ADGRV1: variants seen among roughly 807,000 people sequenced by gnomAD.
ADGRV1 encodes adhesion G protein-coupled receptor V1, also known as G-protein coupled receptor 98.
A neutral mutation model predicts 596.2 loss-of-function variants in ADGRV1; 359 were observed. The observed-to-expected ratio is 0.60, with a 90% CI of 0.55 to 0.66. The LOEUF is 0.66. Ranked by LOEUF, ADGRV1 falls within the 30% of genes least tolerant of loss-of-function variation. The pLI, the probability that ADGRV1 is intolerant of heterozygous loss-of-function variation, is 0.00. For missense variants in ADGRV1, 7,274 were observed against 7,575.6 expected (o/e 0.96, Z 1.48); for synonymous variants, 2,681 against 2,679.2 (o/e 1.00, Z -0.02).
chr5:91,088,946 C>A (rs1338495941), intron 86 of ADGRV1, among the ~76,000 whole-genome samples: 1 of 152,122 alleles, frequency 6.6e-6, no homozygotes, highest in African/African-American at 2.4e-5. Context: ...ATATACATAG[C>A]ATTCAATCCA....
intron 83 of ADGRV1, among the ~76,000 whole-genome samples, chr5:90,873,490 C>T (rs759067386): frequency 4.6e-5 from 7 of 152,158 alleles, no homozygotes; most frequent in Non-Finnish European, 8.8e-5. Context: ...CTCCAGAGTG[C>T]ACCTCTAAGC....
intron 87 of ADGRV1, among the ~76,000 whole-genome samples, chr5:91,114,153 AG>A (rs1792638241): frequency 3.3e-5 from 5 of 152,264 alleles, no homozygotes; most frequent in African/African-American, 1.2e-4. Context: ...TGGGAGGCAG[AG>A]GTTGCAGTGA....
chr5:90,789,992 TA>T (rs974652019), intron 69 of ADGRV1, 141 bp downstream of exon 69: 3 of 500,028 alleles, frequency 6.0e-6, no homozygotes, highest in African/African-American at 5.9e-5. Context: ...ACAGAGGCTT[TA>T]TTTAAACATC....
intron 1 of ADGRV1, among the ~76,000 whole-genome samples, chr5:90,582,869 T>C (rs1580345729): frequency 6.6e-6 from 1 of 152,342 alleles, no homozygotes; most frequent in East Asian, 1.9e-4. Flanking sequence ...CATGCCTGGC[T>C]TAGTTTAAAA....
At chr5:90,899,531 G>A (rs538610416) in intron 83 of ADGRV1, among the ~76,000 whole-genome samples, 5 of 152,238 alleles carry the variant, frequency 3.3e-5, no homozygotes, top group Admixed American at 6.5e-5. Flanking sequence ...CCAGAACCGC[G>A]TTCCAGATTG....
intron 83 of ADGRV1, among the ~76,000 whole-genome samples, chr5:90,938,276 T>C (rs1775881957): frequency 6.6e-6 from 1 of 152,228 alleles, no homozygotes. Flanking sequence ...AACCTTTTCT[T>C]TCCTTACATC....
At chr5:91,000,607 A>G (rs1245328725) in intron 85 of ADGRV1, among the ~76,000 whole-genome samples, 2 of 151,608 alleles carry the variant, frequency 1.3e-5, no homozygotes, top group African/African-American at 4.9e-5. Context: ...TTGATGCAAA[A>G]GTAATTGTGG....
chr5:91,123,513 G>T (rs940895202), intron 87 of ADGRV1, among the ~76,000 whole-genome samples: 1 of 152,022 alleles, frequency 6.6e-6, no homozygotes, highest in African/African-American at 2.4e-5. Flanking sequence ...CATTGATGAG[G>T]GTAGAGCCCT....
chr5:90,829,025 G>T lies in ADGRV1; in HGVS notation c.16450G>T (p.Ala5484Ser), dbSNP rs576727094. The change falls in exon 77 of 90, where the codon GCA becomes TCA. Residue 5484 changes from alanine to serine, a missense_variant. Physicochemically the swap from Ala to Ser is moderately conservative, Grantham distance 99. Transcript: ENST00000405460. Reference protein sequence around the residue: ...GAAINNSARFAQIKILESDES... With the variant: ...GAAINNSARFSQIKILESDES... ...AGCAATAAACAACAGTGCCAGATTCGCACAGATTAAAATCTTAGAAAGTGA... is the reference window on the plus strand; with the variant it reads ...AGCAATAAACAACAGTGCCAGATTCTCACAGATTAAAATCTTAGAAAGTGA... The T allele has an allele frequency of 1.2e-6, 2 of 1,611,652 alleles. No homozygotes were observed. The highest frequency in any genetic ancestry group is 1.7e-6 in the Non-Finnish European group (2 of 1,178,608).
chr5:90,580,090 T>TG (rs1407699554), intron 1 of ADGRV1, among the ~76,000 whole-genome samples: 1 of 152,202 alleles, frequency 6.6e-6, no homozygotes, highest in Non-Finnish European at 1.5e-5. Context: ...ATCTTTTAAT[T>TG]GGGGCATTTA....
At chr5:90,983,894 A>G (rs1012106722) in intron 84 of ADGRV1, among the ~76,000 whole-genome samples, 4 of 152,180 alleles carry the variant, frequency 2.6e-5, no homozygotes, top group East Asian at 1.9e-4. Flanking sequence ...TACAGATACA[A>G]TCTTACTCAG....
chr5:91,037,170 C>G (rs922593346), intron 85 of ADGRV1, among the ~76,000 whole-genome samples: 1 of 152,186 alleles, frequency 6.6e-6, no homozygotes. Context: ...AGTGGACTTG[C>G]ATCACAGCTG....
intron 69 of ADGRV1, 25 bp from the exon 70 acceptor site, chr5:90,790,844 CTTTG>C (rs752470750): frequency 2.8e-6 from 4 of 1,453,190 alleles, no homozygotes; most frequent in Non-Finnish European, 3.8e-6. Context: ...AATTATATAA[CTTTG>C]TTGAGTTTTT....
chr5:91,156,829 C>A (rs1796519190), intron 89 of ADGRV1, among the ~76,000 whole-genome samples: 1 of 152,202 alleles, frequency 6.6e-6, no homozygotes, highest in South Asian at 2.1e-4. Context: ...AGTCTACATG[C>A]CATTTTGTCT....
At chr5:91,158,787 T>C (rs901890719) in intron 89 of ADGRV1, among the ~76,000 whole-genome samples, 26 of 152,254 alleles carry the variant, frequency 1.7e-4, no homozygotes, top group African/African-American at 6.3e-4. Flanking sequence ...TCAGTATCCC[T>C]GGAAATGTAG....
chr5:90,702,914 G>A (rs1349170421), intron 34 of ADGRV1, among the ~76,000 whole-genome samples: 1 of 151,944 alleles, frequency 6.6e-6, no homozygotes, highest in Non-Finnish European at 1.5e-5. Context: ...TAAAGCTAGT[G>A]AATTGAGCAT....
At chr5:90,830,287 A>G (rs2150327138) in intron 77 of ADGRV1, among the ~76,000 whole-genome samples, 1 of 152,330 alleles carries the variant, frequency 6.6e-6, no homozygotes, top group Non-Finnish European at 1.5e-5. Context: ...AATAAAGTCT[A>G]TTCTAAATAG....
chr5:90,980,522 G>C (rs1383821348), intron 84 of ADGRV1, among the ~76,000 whole-genome samples: 6 of 152,198 alleles, frequency 3.9e-5, no homozygotes, highest in African/African-American at 1.4e-4. Flanking sequence ...CATTGTGAGG[G>C]TGGGTGGTCT....
chr5:90,967,352 A>T (rs10942621), intron 84 of ADGRV1, among the ~76,000 whole-genome samples: 76,091 of 151,932 alleles, frequency 0.5, 20,658 homozygotes, highest in African/African-American at 0.71. Flanking sequence ...ATGGAAAATT[A>T]ATGGTGTTTT....
Sources: gnomAD v4.1 joint callset for allele counts (sites outside exome capture counted in the v4.1 genomes callset) on GRCh38, gnomAD v4.1.1 for gene constraint, MANE v1.5 for transcripts, NCBI Gene and HGNC (gene_info 2026-07-23, HGNC 2026-07-21) for gene names.